Variants in IGSF5 observed in about 807,000 individuals in gnomAD.
The protein encoded by IGSF5 is immunoglobulin superfamily 5 like.
Under a neutral mutation model 39.4 loss-of-function variants are expected in IGSF5, and 41 were observed. That is an observed-to-expected ratio of 1.04 (90% CI 0.81 to 1.35). The LOEUF (loss-of-function observed/expected upper bound fraction) is 1.35. Among genes scored for constraint, IGSF5 ranks in the 40% most tolerant of loss-of-function variants. The pLI, the probability that IGSF5 is intolerant of heterozygous loss-of-function variation, is 0.00. For missense variants in IGSF5, 487 were observed against 494.6 expected (o/e 0.98, Z 0.15); for synonymous variants, 183 against 175.3 (o/e 1.04, Z -0.34).
intron 2 of IGSF5, among the ~76,000 whole-genome samples, chr21:39,757,399 A>G (rs2080036813): frequency 6.6e-6 from 1 of 151,980 alleles, no homozygotes; most frequent in Non-Finnish European, 1.5e-5. Flanking sequence ...AGGCTACACC[A>G]TCTGCATCCC....
chr21:39,799,400 C>T (rs942851549), intron 8 of IGSF5, among the ~76,000 whole-genome samples: 1 of 152,200 alleles, frequency 6.6e-6, no homozygotes, highest in Non-Finnish European at 1.5e-5. Context: ...TGTTAAAATG[C>T]ACACTCTTGG....
intron 3 of IGSF5, among the ~76,000 whole-genome samples, chr21:39,769,070 T>A (rs16998430): frequency 0.076 from 11,582 of 152,278 alleles, 543 homozygotes; most frequent in East Asian, 0.23. Context: ...TGTAACAAAA[T>A]CATGCAAGGA....
intron 1 of IGSF5, among the ~76,000 whole-genome samples, chr21:39,745,840 A>T (rs2079971452): frequency 6.6e-6 from 1 of 152,052 alleles, no homozygotes; most frequent in African/African-American, 2.4e-5. Flanking sequence ...GAAGGCTAGG[A>T]CAGTATAGCA....
intron 8 of IGSF5, among the ~76,000 whole-genome samples, chr21:39,798,749 A>G (rs748607233): frequency 8.5e-5 from 13 of 152,240 alleles, no homozygotes; most frequent in Non-Finnish European, 1.6e-4. Flanking sequence ...CCAGCCTCCC[A>G]TAACTCCTGC....
intron 6 of IGSF5, 123 bp downstream of exon 6, chr21:39,788,311 T>C: frequency 1.4e-6 from 1 of 727,566 alleles, no homozygotes; most frequent in Non-Finnish European, 2.3e-6. Flanking sequence ...CAGAATTAAG[T>C]ACCAGAGGTA....
chr21:39,789,676 A>C (rs942263901), intron 6 of IGSF5, among the ~76,000 whole-genome samples: 1 of 152,230 alleles, frequency 6.6e-6, no homozygotes, highest in African/African-American at 2.4e-5. Context: ...ATAAATATAA[A>C]GATAGGCACA....
chr21:39,723,727 G>A, the IGSF5 span, among the ~76,000 whole-genome samples: 2 of 152,250 alleles, frequency 1.3e-5, no homozygotes, highest in African/African-American at 4.8e-5. Context: ...TCCAATTAGG[G>A]CCAGAATCAG....
At chr21:39,795,609 T>C (rs1384415104) in intron 8 of IGSF5, among the ~76,000 whole-genome samples, 1 of 151,502 alleles carries the variant, frequency 6.6e-6, no homozygotes, top group East Asian at 1.9e-4. Context: ...AGAATGACGT[T>C]TTGGAGCTCG....
At chr21:39,760,211 T>C (rs774635017) in intron 2 of IGSF5, among the ~76,000 whole-genome samples, 11 of 152,182 alleles carry the variant, frequency 7.2e-5, no homozygotes, top group Non-Finnish European at 1.0e-4. Flanking sequence ...TCAGCCACCA[T>C]GTTTATTCAC....
At chr21:39,797,057 A>C (rs1471895803) in intron 8 of IGSF5, among the ~76,000 whole-genome samples, 2 of 152,162 alleles carry the variant, frequency 1.3e-5, no homozygotes, top group Admixed American at 6.5e-5. Context: ...GGACTTAACT[A>C]ATGGATGACT....
chr21:39,791,289 G>A lies in IGSF5; in HGVS notation c.957-719G>A, dbSNP rs746681248. Among the ~76,000 whole-genome samples the A allele has an allele frequency of 4.7e-4, 72 of 152,260 alleles. 1 individual carries two copies. In the Middle Eastern group the frequency reaches 0.014, roughly 29 times the overall value. ...ACTAGTCCTCCCTGATTGGGCACTC[G>A]GTTGTTTGCAGTTTGCTTTTATAAA... On this transcript the variant is annotated intron_variant, in intron 6 of 8. Transcript: ENST00000380588.
chr21:39,797,692 AT>A (rs560257583), intron 8 of IGSF5, among the ~76,000 whole-genome samples: 6 of 150,586 alleles, frequency 4.0e-5, no homozygotes, highest in East Asian at 2.0e-4. Context: ...AATTTTAAAC[AT>A]TTTTTTTTGT....
intron 2 of IGSF5, among the ~76,000 whole-genome samples, chr21:39,746,792 T>G (rs2079977514): frequency 6.6e-6 from 1 of 152,180 alleles, no homozygotes. Context: ...ATTGTTATCA[T>G]TATTATTATT....
intron 2 of IGSF5, among the ~76,000 whole-genome samples, chr21:39,749,452 A>T (rs1042014268): frequency 6.6e-6 from 1 of 152,198 alleles, no homozygotes; most frequent in African/African-American, 2.4e-5. Context: ...ACCTCAGGTG[A>T]TCTGCCCGCC....
intron 3 of IGSF5, among the ~76,000 whole-genome samples, chr21:39,766,762 T>C (rs1428467137): frequency 6.6e-6 from 1 of 152,190 alleles, no homozygotes; most frequent in Non-Finnish European, 1.5e-5. Flanking sequence ...GTATTTATAC[T>C]CTATTTAAAG....
the IGSF5 span, among the ~76,000 whole-genome samples, chr21:39,732,508 A>G: frequency 6.6e-6 from 1 of 152,214 alleles, no homozygotes. Flanking sequence ...GCAAATTCTT[A>G]GATATAGGGG....
chr21:39,720,840 C>G, the IGSF5 span, among the ~76,000 whole-genome samples: 1 of 152,170 alleles, frequency 6.6e-6, no homozygotes, highest in African/African-American at 2.4e-5. Context: ...TGGGAATTCT[C>G]TGTATGATCA....
chr21:39,753,780 G>T lies in IGSF5; in HGVS notation c.100+7482G>T, dbSNP rs188895287. Among the ~76,000 whole-genome samples the T allele has an allele frequency of 3.8e-3, 567 of 150,260 alleles. 2 individuals carry two copies. Among genetic ancestry groups the T allele is most frequent in the Non-Finnish European group, 5.5e-3 (373 of 67,606 alleles). On this transcript the variant is annotated intron_variant, in intron 2 of 8. Transcript: ENST00000380588. ...CTGTTGTTGCTTTAAAGTCTGTTTT[G>T]TCTGAAATAAGAATAGCTACTTTTG...
the IGSF5 span, among the ~76,000 whole-genome samples, chr21:39,714,398 A>C: frequency 1.5e-3 from 232 of 152,338 alleles, 3 homozygotes; most frequent in African/African-American, 5.3e-3. Flanking sequence ...GGCAAACATA[A>C]GTTTTTGCTT....
Sources: allele counts gnomAD v4.1 joint callset (sites outside exome capture counted in the v4.1 genomes callset), GRCh38; gene constraint gnomAD v4.1.1; transcripts MANE v1.5; gene names NCBI Gene and HGNC (gene_info 2026-07-23, HGNC 2026-07-21).